NRXN3: variants seen among roughly 807,000 people sequenced by gnomAD.
NRXN3 encodes neurexin 3.
Under a neutral mutation model 137.6 loss-of-function variants are expected in NRXN3, and 32 were observed. The ratio of observed to expected loss-of-function variants is 0.23; its 90% CI spans 0.18 to 0.31. The LOEUF (loss-of-function observed/expected upper bound fraction) is 0.31, where lower values mean the gene tolerates loss of function less well. Ranked by LOEUF, NRXN3 falls within the 10% of genes least tolerant of loss-of-function variation. The probability of loss-of-function intolerance (pLI) is 1.00; values close to 1 mark genes in which losing one functional copy is unlikely to be tolerated. For missense variants in NRXN3, 1,574 were observed against 2,062.5 expected (o/e 0.76, Z 4.59); for synonymous variants, 798 against 784.5 (o/e 1.02, Z -0.29).
rs73323401 is a variant in NRXN3 at position 78,936,033 on chromosome 14, C to T, written c.2276-21209C>T. On this transcript the variant is annotated intron_variant, in intron 10 of 20. Transcript: ENST00000335750. ...TCTGGTCTTCACGTAATCCGCTTCA[C>T]ATTCTTTTTAAATTCACCTTTCCCA... 6.1e-3 allele frequency among the ~76,000 whole-genome samples: 933 copies of T among 152,324 alleles called. 14 individuals carry two copies. Among genetic ancestry groups the T allele is most frequent in the African/African-American group, 0.021 (881 of 41,574 alleles).
At chr14:78,297,355 C>T (rs1297208903) in intron 3 of NRXN3, among the ~76,000 whole-genome samples, 1 of 152,076 alleles carries the variant, frequency 6.6e-6, no homozygotes, top group African/African-American at 2.4e-5. Context: ...GTGGGATTGC[C>T]ATTGATATTT....
At chr14:78,634,659 T>C (rs575561692) in intron 4 of NRXN3, among the ~76,000 whole-genome samples, 5 of 152,334 alleles carry the variant, frequency 3.3e-5, no homozygotes, top group Admixed American at 3.3e-4. Context: ...TTTATATCTT[T>C]TTGTAAAGAC....
At chr14:79,632,315 AC>A (rs1485551449) in intron 16 of NRXN3, 1 of 156,670 alleles carries the variant, frequency 6.4e-6, no homozygotes, top group Non-Finnish European at 1.4e-5. Context: ...AGTCAGCGAG[AC>A]CAAGAGCCCA....
intron 8 of NRXN3, among the ~76,000 whole-genome samples, chr14:78,778,089 A>G (rs1435269024): frequency 6.6e-6 from 1 of 152,220 alleles, no homozygotes; most frequent in Non-Finnish European, 1.5e-5. Context: ...TTACAAAGAC[A>G]TGTGAAGAGA....
intron 8 of NRXN3, among the ~76,000 whole-genome samples, chr14:78,732,442 T>G (rs905183785): frequency 6.6e-6 from 1 of 152,162 alleles, no homozygotes; most frequent in East Asian, 1.9e-4. Flanking sequence ...AGAAGACTAG[T>G]TTTTTATCCT....
intron 11 of NRXN3, among the ~76,000 whole-genome samples, chr14:78,963,012 C>T (rs946385934): frequency 6.6e-6 from 1 of 152,118 alleles, no homozygotes; most frequent in Non-Finnish European, 1.5e-5. Flanking sequence ...ATGGCCTTCT[C>T]CCCCTCCCCT....
intron 16 of NRXN3, among the ~76,000 whole-genome samples, chr14:79,483,147 A>G (rs1347928835): frequency 6.6e-6 from 1 of 152,210 alleles, no homozygotes; most frequent in Non-Finnish European, 1.5e-5. Context: ...AGGTCTTTGC[A>G]GAGATTCAAA....
At chr14:78,904,537 G>C (rs1052361543) in intron 10 of NRXN3, among the ~76,000 whole-genome samples, 4 of 151,992 alleles carry the variant, frequency 2.6e-5, no homozygotes, top group Non-Finnish European at 5.9e-5. Context: ...TAACTCTATA[G>C]AGATGATTTC....
intron 15 of NRXN3, among the ~76,000 whole-genome samples, chr14:79,327,472 C>T (rs781161912): frequency 3.7e-4 from 56 of 152,142 alleles, no homozygotes; most frequent in Non-Finnish European, 5.7e-4. Context: ...AAACACCCTG[C>T]AACAATGGCT....
intron 10 of NRXN3, among the ~76,000 whole-genome samples, chr14:78,923,489 G>T (rs74795816): frequency 0.018 from 2,755 of 152,310 alleles, 44 homozygotes; most frequent in East Asian, 0.058. Flanking sequence ...ATCACAGAGA[G>T]GTTGAGATTT....
chr14:79,556,785 G>A (rs2097433988), intron 16 of NRXN3, among the ~76,000 whole-genome samples: 2 of 152,102 alleles, frequency 1.3e-5, no homozygotes, highest in African/African-American at 4.8e-5. Flanking sequence ...CAAACTTCTG[G>A]GCTCAAGCAG....
chr14:79,801,279 T>C (rs1471959325), intron 19 of NRXN3, among the ~76,000 whole-genome samples: 1 of 152,194 alleles, frequency 6.6e-6, no homozygotes, highest in East Asian at 1.9e-4. Flanking sequence ...TCTTTATGAG[T>C]ACATTTTTCT....
chr14:79,630,525 GA>G (rs1435516422), intron 16 of NRXN3, among the ~76,000 whole-genome samples: 3 of 152,214 alleles, frequency 2.0e-5, no homozygotes, highest in Non-Finnish European at 4.4e-5. Flanking sequence ...TGAATTAGGT[GA>G]AGACTGACGG....
chr14:79,742,054 C>T (rs555942242), intron 19 of NRXN3, among the ~76,000 whole-genome samples: 15 of 152,202 alleles, frequency 9.9e-5, no homozygotes, highest in African/African-American at 3.4e-4. Context: ...AGAGGGGAGC[C>T]TGATATATAA....
At chr14:79,405,082 CAACAAAAGGCCTGA>C (rs2095284237) in intron 15 of NRXN3, among the ~76,000 whole-genome samples, 2 of 151,960 alleles carry the variant, frequency 1.3e-5, no homozygotes. Context: ...GTTGCCATGG[CAACAAAAGGCCTGA>C]AATATTAACT....
chr14:79,316,517 G>A (rs889872572), intron 15 of NRXN3, among the ~76,000 whole-genome samples: 1 of 152,180 alleles, frequency 6.6e-6, no homozygotes, highest in Non-Finnish European at 1.5e-5. Flanking sequence ...GAAAGGGACC[G>A]GATGATCGGT....
At chr14:79,732,973 T>C (rs1019599025) in intron 19 of NRXN3, among the ~76,000 whole-genome samples, 4 of 152,178 alleles carry the variant, frequency 2.6e-5, no homozygotes, top group Non-Finnish European at 5.9e-5. Flanking sequence ...AATATTAATA[T>C]CAGCAAGATA....
intron 8 of NRXN3, among the ~76,000 whole-genome samples, chr14:78,745,625 G>A (rs1475138622): frequency 1.3e-5 from 2 of 152,108 alleles, no homozygotes; most frequent in Non-Finnish European, 2.9e-5. Flanking sequence ...TTTCCAGACT[G>A]TATAGGGCAT....
At chr14:78,359,860 T>A (rs1160504810) in intron 4 of NRXN3, among the ~76,000 whole-genome samples, 1 of 152,286 alleles carries the variant, frequency 6.6e-6, no homozygotes, top group East Asian at 1.9e-4. Flanking sequence ...GCAGGTGGAC[T>A]CGCTGTGGTT....
Sources: gnomAD v4.1 joint callset for allele counts (sites outside exome capture counted in the v4.1 genomes callset) on GRCh38, gnomAD v4.1.1 for gene constraint, MANE v1.5 for transcripts, NCBI Gene and HGNC (gene_info 2026-07-23, HGNC 2026-07-21) for gene names.